IQGAP3: variants seen among roughly 807,000 people sequenced by gnomAD.
IQGAP3 encodes the protein ras GTPase-activating-like protein IQGAP3.
IQGAP3 carries 165 observed loss-of-function variants against 208.2 expected under a neutral mutation model. The ratio of observed to expected loss-of-function variants is 0.79; its 90% CI spans 0.70 to 0.90. The LOEUF is 0.90. Among genes scored for constraint, IQGAP3 ranks in the 40% least tolerant of loss-of-function variants. IQGAP3 has a pLI of 0.00. For missense variants in IQGAP3, 1,811 were observed against 2,043.1 expected (o/e 0.89, Z 2.19); for synonymous variants, 703 against 803.6 (o/e 0.87, Z 2.12).
intron 11 of IQGAP3, among the ~76,000 whole-genome samples, chr1:156,557,912 C>T (rs1178267004): frequency 1.7e-3 from 11 of 6,384 alleles, no homozygotes; most frequent in Admixed American, 2.0e-3. Context: ...CCAGCCGCCC[C>T]GTCCGGGAGG....
At chr1:156,557,800 T>TG (rs1267082130) in intron 11 of IQGAP3, among the ~76,000 whole-genome samples, 1 of 3,036 alleles carries the variant, frequency 3.3e-4, no homozygotes, top group African/African-American at 3.6e-4. Flanking sequence ...GGGAGGGAGG[T>TG]GGGGGGATCA....
intron 28 of IQGAP3, among the ~76,000 whole-genome samples, chr1:156,534,955 C>T (rs1239430890): frequency 6.6e-6 from 1 of 152,188 alleles, no homozygotes; most frequent in Admixed American, 6.5e-5. Context: ...CCAGTGTTGC[C>T]CACTCTGTTC....
intron 9 of IQGAP3, 62 bp from the exon 10 acceptor site, chr1:156,562,063 C>T (rs2102435515): frequency 1.4e-6 from 2 of 1,449,230 alleles, no homozygotes; most frequent in Admixed American, 2.1e-5. Context: ...ATCCCCTAGT[C>T]CAGCCCTAGG....
chr1:156,545,066 G>C (rs1461155065), intron 19 of IQGAP3, among the ~76,000 whole-genome samples: 1 of 151,500 alleles, frequency 6.6e-6, no homozygotes, highest in Non-Finnish European at 1.5e-5. Context: ...ACACAATCCA[G>C]CTCCTGACCC....
At chr1:156,526,732 A>T in intron 37 of IQGAP3, 133 bp from the exon 38 acceptor site, 1 of 625,388 alleles carries the variant, frequency 1.6e-6, no homozygotes, top group Non-Finnish European at 2.9e-6. Flanking sequence ...AGGGCATTGA[A>T]ATCCCACTTC....
At chr1:156,566,693 T>G in intron 2 of IQGAP3, 147 bp from the exon 3 acceptor site, 1 of 741,948 alleles carries the variant, frequency 1.3e-6, no homozygotes, top group Non-Finnish European at 2.2e-6. Flanking sequence ...CTCCCTTCTC[T>G]GCCCATTGCC....
rs1674951562 is a variant in IQGAP3, at chr1:156,540,984, C to A, written c.2531-68G>T. 6.2e-6 allele frequency: 8 copies of A among 1,292,224 alleles called. No individual in the cohort carries two copies. In the South Asian group the frequency reaches 9.8e-5, roughly 16 times the overall value. The allele number at this position is 1,292,224 out of a possible 1,614,324, so 80.0% of individuals were successfully genotyped here. On this transcript the variant is annotated intron_variant, in intron 22 of 37. Coordinates refer to ENST00000361170, the MANE Select transcript of IQGAP3 (RefSeq NM_178229.5). ...CAGAGGCCTCCTCACCAGCCCCTGCCCGAGTCAGCCCACCCCAGTCCCCGT... is the reference window on the plus strand; with the variant it reads ...CAGAGGCCTCCTCACCAGCCCCTGCACGAGTCAGCCCACCCCAGTCCCCGT...
chr1:156,552,189 T>A, intron 13 of IQGAP3, 94 bp from the exon 14 acceptor site: 1 of 1,439,470 alleles, frequency 6.9e-7, no homozygotes, highest in Non-Finnish European at 9.5e-7. Flanking sequence ...TCACTTGACC[T>A]CCAGGACACC....
At chr1:156,534,868 G>C in intron 28 of IQGAP3, 135 bp from the exon 29 acceptor site, 2 of 691,284 alleles carry the variant, frequency 2.9e-6, no homozygotes, top group South Asian at 2.0e-5. Flanking sequence ...GCCCAGAGCA[G>C]GCAGACAACT....
At chr1:156,553,191 A>G (rs1675643072) in intron 13 of IQGAP3, among the ~76,000 whole-genome samples, 1 of 152,130 alleles carries the variant, frequency 6.6e-6, no homozygotes, top group Non-Finnish European at 1.5e-5. Flanking sequence ...ATAAAAAAAA[A>G]AGAAGTAGGT....
chr1:156,547,358 AAC>A (rs1557931503), intron 19 of IQGAP3, among the ~76,000 whole-genome samples: 1 of 145,484 alleles, frequency 6.9e-6, no homozygotes, highest in East Asian at 2.0e-4. Flanking sequence ...TGTCTTACTA[AAC>A]ACACAGACAC....
In IQGAP3 at chr1:156,530,247, C is replaced by T. The variant is rs143959866; in HGVS notation, c.4262G>A (p.Arg1421Gln). The change falls in exon 34 of 38, where the codon CGA becomes CAA. Residue 1421 changes from arginine to glutamine, a missense_variant. By Grantham distance (43) the Arg-to-Gln change is conservative. Coordinates refer to ENST00000361170, the MANE Select transcript of IQGAP3 (RefSeq NM_178229.5). ...CTAQTPEPLR[R>Q]HRSLTAHSLL... ...GGAGTGAGCTGTCAGTGAGCGGTGT[C>T]GTCGCAGTGGCTCCGGTGTCTGGGC... The T allele has an allele frequency of 1.5e-4, 250 of 1,612,940 alleles. 1 individual carries two copies. The highest frequency in any genetic ancestry group is 1.4e-3 in the South Asian group (128 of 90,926).
intron 27 of IQGAP3, among the ~76,000 whole-genome samples, chr1:156,536,323 C>T (rs560660089): frequency 7.4e-6 from 1 of 134,806 alleles, no homozygotes; most frequent in South Asian, 2.6e-4. Flanking sequence ...TTTTCGACAA[C>T]ATAGATGAAC....
At position 156,539,483 on chromosome 1, in the gene IQGAP3, T is replaced by G; in HGVS notation, c.2947A>C (p.Thr983Pro). The part of the protein sequence containing the change: ...LIFQMPQNKT[T>P]KFMEAVIFSL... ...AAAATCACTGCCTCCATGAACTTGG[T>G]GGTTTTGTTCTGTGGCATCTGAAAG... The change falls in exon 25 of 38, where the codon ACC becomes CCC. Residue 983 changes from threonine (T) to proline (P), a missense_variant. Physicochemically the swap from Thr to Pro is conservative, Grantham distance 38. Transcript: ENST00000361170. 2 of 1,614,022 alleles carry G rather than the reference T, an allele frequency of 1.2e-6. No individual in the cohort carries two copies. The highest frequency in any genetic ancestry group is 1.7e-6 in the Non-Finnish European group (2 of 1,179,992).
intron 37 of IQGAP3, among the ~76,000 whole-genome samples, chr1:156,527,022 A>G (rs574153254): frequency 4.2e-4 from 63 of 151,430 alleles, no homozygotes; most frequent in South Asian, 1.3e-3. Flanking sequence ...TAGTAGAGAC[A>G]GGGTTTCACT....
chr1:156,544,366 C>A (rs751404432), intron 20 of IQGAP3, 23 bp downstream of exon 20: 6 of 1,596,930 alleles, frequency 3.8e-6, no homozygotes, highest in African/African-American at 1.3e-5. Flanking sequence ...GAGAAAGGAG[C>A]CTGCCAAAAC....
Position 156,539,041 on chromosome 1 carries a change from T to TTAA in IQGAP3, c.3057-11_3057-9dup. 2 of 1,609,568 alleles carry TTAA rather than the reference T, an allele frequency of 1.2e-6. No individual in the cohort carries two copies. Among genetic ancestry groups the TTAA allele is most frequent in the Non-Finnish European group, 1.7e-6 (2 of 1,176,792 alleles). ...GGCTGCTCCACCTTTGACCTGTGGTTTAAGAGGTCATTGAAACCAGTCTTC... is the reference window on the plus strand; with the variant it reads ...GGCTGCTCCACCTTTGACCTGTGGTTTAATAAGAGGTCATTGAAACCAGTCTTC... On this transcript the variant is annotated splice_polypyrimidine_tract_variant and intron_variant, in intron 25 of 37. Coordinates refer to ENST00000361170, the MANE Select transcript of IQGAP3 (RefSeq NM_178229.5).
At position 156,544,220 on chromosome 1, in the gene IQGAP3, G is replaced by A; in HGVS notation, c.2392C>T (p.Gln798Ter). The A allele has an allele frequency of 2.5e-6, 4 of 1,614,098 alleles. No homozygotes were observed. Among genetic ancestry groups the A allele is most frequent in the Non-Finnish European group, 2.5e-6 (3 of 1,180,016 alleles). Reference protein sequence around the residue: ...KANLDAIIKIQAWARMWAARR... With the variant: ...KANLDAIIKI ...GCTGCCCACATCCGGGCCCAGGCCTGGATCTGGGAGAAGAAACACACTGCC... is the reference window on the plus strand; with the variant it reads ...GCTGCCCACATCCGGGCCCAGGCCTAGATCTGGGAGAAGAAACACACTGCC... Residue 798 changes from glutamine (Q) to a stop codon, truncating the protein, a stop_gained, in exon 21 of 38, where the codon CAG becomes TAG. Transcript: ENST00000361170. LOFTEE classifies it high-confidence loss of function.
intron 36 of IQGAP3, 78 bp from the exon 37 acceptor site, chr1:156,528,138 C>T: frequency 9.1e-7 from 1 of 1,098,054 alleles, no homozygotes; most frequent in Admixed American, 1.8e-5. Context: ...CCCACTGCTC[C>T]TCATCCTGGG....
Sources: allele counts gnomAD v4.1 joint callset (sites outside exome capture counted in the v4.1 genomes callset), GRCh38; gene constraint gnomAD v4.1.1; transcripts MANE v1.5; gene names NCBI Gene and HGNC (gene_info 2026-07-23, HGNC 2026-07-21).